POLG2: variants seen among roughly 807,000 people sequenced by gnomAD.
POLG2 encodes DNA polymerase subunit gamma-2.
A neutral mutation model predicts 56.5 loss-of-function variants in POLG2; 50 were observed. The observed-to-expected ratio is 0.88, with a 90% confidence interval of 0.71 to 1.12. The LOEUF (loss-of-function observed/expected upper bound fraction) is 1.12, where lower values mean the gene tolerates loss of function less well. Ranked by LOEUF, POLG2 falls within the 50% of genes most tolerant of loss-of-function variation. The pLI, the probability that POLG2 is intolerant of heterozygous loss-of-function variation, is 0.00. For missense variants in POLG2, 584 were observed against 583.3 expected (o/e 1.00, Z -0.01); for synonymous variants, 226 against 222.6 (o/e 1.02, Z -0.14).
At chr17:64,492,798 G>A in intron 2 of POLG2, 26 bp from the exon 3 acceptor site, 1 of 1,596,842 alleles carries the variant, frequency 6.3e-7, no homozygotes, top group Non-Finnish European at 8.6e-7. Flanking sequence ...GTATCAGGAA[G>A]TTAGCTTATC....
Position 64,496,636 on chromosome 17 carries a change from G to A in POLG2, c.333C>T (p.Ala111=), listed in dbSNP as rs1315105944. ...CCACCACCGAGGTCCACCATTCTGC[G>A]GCCAGGTTCTTCCGCAACTCTACGC... ...PLGVELRKNL[A]AEWWTSVVVF... is the part of the protein sequence containing the mutation. Residue 111 remains alanine (A), a synonymous_variant, in exon 1 of 8, where the codon GCC becomes GCT. Coordinates refer to ENST00000539111, the MANE Select transcript of POLG2 (RefSeq NM_007215.4). 1.2e-6 allele frequency: 2 copies of A among 1,613,758 alleles called. No individual in the cohort carries two copies. Among genetic ancestry groups the A allele is most frequent in the Non-Finnish European group, 1.7e-6 (2 of 1,179,986 alleles).
chr17:64,485,962 G>A (rs1555667396), intron 4 of POLG2, 94 bp from the exon 5 acceptor site: 1 of 1,254,728 alleles, frequency 8.0e-7, no homozygotes, highest in African/African-American at 1.5e-5. Flanking sequence ...ACCTGGCCAG[G>A]CTGGAGTGCA....
chr17:64,493,641 C>T (rs556197125), intron 1 of POLG2, among the ~76,000 whole-genome samples: 108 of 151,992 alleles, frequency 7.1e-4, no homozygotes, highest in Non-Finnish European at 9.6e-4. Flanking sequence ...CCCGCCACCA[C>T]GCCCGGCTAA....
chr17:64,484,528 C>T (rs1296152407), intron 5 of POLG2, among the ~76,000 whole-genome samples: 1 of 152,130 alleles, frequency 6.6e-6, no homozygotes, highest in African/African-American at 2.4e-5. Flanking sequence ...ACACAACATG[C>T]ACCTTTTAAC....
At chr17:64,489,088 C>T (rs2038010962) in intron 4 of POLG2, among the ~76,000 whole-genome samples, 1 of 147,576 alleles carries the variant, frequency 6.8e-6, no homozygotes, top group Admixed American at 6.8e-5. Flanking sequence ...TGCAGCAGCA[C>T]AGTCTTGGCT....
At chr17:64,490,639 A>G in intron 4 of POLG2, 157 bp downstream of exon 4, 1 of 651,874 alleles carries the variant, frequency 1.5e-6, no homozygotes, top group Non-Finnish European at 2.8e-6. Flanking sequence ...CCTGATTTTG[A>G]TGACTGGATT....
At chr17:64,486,675 C>T (rs1363345912) in intron 4 of POLG2, among the ~76,000 whole-genome samples, 2 of 152,028 alleles carry the variant, frequency 1.3e-5, no homozygotes, top group Non-Finnish European at 2.9e-5. Context: ...CGAAAGGTAA[C>T]ACTTTTAAGT....
Position 64,496,778 on chromosome 17 carries a change from T to C in POLG2, c.191A>G (p.Glu64Gly), listed in dbSNP as rs1425710899. The C allele has an allele frequency of 3.1e-6, 5 of 1,613,546 alleles. No individual in the cohort carries two copies. The East Asian group carries it at 1.1e-4, about 36-fold the overall frequency. ...GATCTCTAACAGCGCCTCGCTTCCC[T>C]CTCCAGACCCGGGGGCTTCTGGGTG... Reference protein sequence around the residue: ...GEHPEAPGSGEGSEALLEICQ... With the variant: ...GEHPEAPGSGGGSEALLEICQ... Residue 64 changes from glutamate (E) to glycine (G), a missense_variant, in exon 1 of 8, where the codon GAG (glutamate) becomes GGG (glycine). Transcript: ENST00000539111.
chr17:64,488,856 T>C (rs2144174376), intron 4 of POLG2, among the ~76,000 whole-genome samples: 1 of 152,152 alleles, frequency 6.6e-6, no homozygotes, highest in South Asian at 2.1e-4. Flanking sequence ...TAGTCCTAGC[T>C]ACTCAGGAGG....
chr17:64,491,615 T>C lies in POLG2; in HGVS notation c.796-646A>G, dbSNP rs535296063. ...GGATCTTGATGTGGGACTTCAGCCC[T>C]AGTGGCCTTGATGGAGCGTTTCAAA... is the stretch of plus-strand genomic sequence containing the variant. On this transcript the variant is annotated intron_variant, in intron 3 of 7. Coordinates refer to ENST00000539111, the MANE Select transcript of POLG2 (RefSeq NM_007215.4). The C allele has an allele frequency of 5.4e-5, 83 of 1,530,666 alleles. 1 individual carries two copies. Among genetic ancestry groups the C allele is most frequent in the African/African-American group, 4.1e-4 (30 of 73,166 alleles). The allele number at this position is 1,530,666 out of a possible 1,614,324, so 94.8% of individuals were successfully genotyped here. A position where few individuals can be genotyped will look rare whatever the true frequency, so the allele number is the denominator to read the frequency against.
Position 64,490,860 on chromosome 17 carries a change from G to A in POLG2, c.905C>T (p.Thr302Ile). Residue 302 changes from threonine to isoleucine, a missense_variant, in exon 4 of 8, where the codon ACC becomes ATC. Physicochemically the swap from Thr to Ile is moderately conservative, Grantham distance 89 (BLOSUM62 -1). Transcript: ENST00000539111. ...TTCGTGATCTCCTAGGTTCCACAGG[G>A]TTTCTATTAACTCCTTTCCCCAGGG... ...NFPWGKELIETLWNLGDHELL... is the reference protein window; with the variant it reads ...NFPWGKELIEILWNLGDHELL... The A allele has an allele frequency of 6.2e-7, 1 of 1,613,482 alleles. No homozygotes were observed. The highest frequency in any genetic ancestry group is 8.5e-7 in the Non-Finnish European group (1 of 1,179,440).
chr17:64,493,989 A>T (rs1214138773), intron 1 of POLG2, among the ~76,000 whole-genome samples: 2 of 152,190 alleles, frequency 1.3e-5, no homozygotes, highest in African/African-American at 4.8e-5. Context: ...AGTTAACCAT[A>T]ATACCACAAT....
chr17:64,495,861 G>A lies in POLG2; in HGVS notation c.562+546C>T, dbSNP rs578243812. Among the ~76,000 whole-genome samples, 31 of 151,984 alleles carry A rather than the reference G, an allele frequency of 2.0e-4. No homozygotes were observed. In the South Asian group the frequency reaches 6.0e-3, roughly 30 times the overall value. On this transcript the variant is annotated intron_variant, in intron 1 of 7. Coordinates refer to ENST00000539111, the MANE Select transcript of POLG2 (RefSeq NM_007215.4). ...GTAGCTGGGATTACAGGCGCTCGCC[G>A]TCACGGCCGGCTAATTTTTGTCTTT... is the stretch of plus-strand genomic sequence containing the variant.
At chr17:64,493,490 T>G (rs1397220359) in intron 1 of POLG2, among the ~76,000 whole-genome samples, 5 of 152,060 alleles carry the variant, frequency 3.3e-5, no homozygotes, top group African/African-American at 1.2e-4. Flanking sequence ...TTTGAAGATT[T>G]TCTTTTTTTT....
At position 64,483,054 on chromosome 17, in the gene POLG2, T is replaced by C. The variant is rs1358537422; in HGVS notation, c.1111-55A>G. ...ACAGGAAAGGGGAAAAAGCATAGTT[T>C]GTTTAAATATAACACAAGTTTAAAT... On this transcript the variant is annotated intron_variant, in intron 5 of 7. Coordinates refer to ENST00000539111, the MANE Select transcript of POLG2 (RefSeq NM_007215.4). The C allele has an allele frequency of 7.0e-6, 6 of 860,550 alleles. No individual in the cohort carries two copies. In the East Asian group the frequency reaches 1.5e-4, roughly 21 times the overall value. 53.3% of individuals were successfully genotyped at this position (860,550 alleles called of 1,614,324 possible). A position where few individuals can be genotyped will look rare whatever the true frequency, so the allele number is the denominator to read the frequency against.
intron 5 of POLG2, among the ~76,000 whole-genome samples, chr17:64,484,670 GAAGTGGAGTGT>G (rs1326805961): frequency 1.3e-5 from 2 of 152,180 alleles, no homozygotes; most frequent in Non-Finnish European, 1.5e-5. Flanking sequence ...TGATGGTTTG[GAAGTGGAGTGT>G]AAGAAAAAGA....
intron 5 of POLG2, among the ~76,000 whole-genome samples, chr17:64,483,746 G>A (rs1479208216): frequency 4.7e-5 from 7 of 148,404 alleles, no homozygotes; most frequent in African/African-American, 1.7e-4. Context: ...TAAAGGGTCT[G>A]GCTCTGTTGC....
intron 7 of POLG2, 46 bp downstream of exon 7, chr17:64,480,243 A>G: frequency 1.3e-6 from 1 of 770,916 alleles, no homozygotes; most frequent in South Asian, 2.0e-5. Flanking sequence ...AACATAATCA[A>G]AAACTCTTGA....
At chr17:64,478,463 T>C (rs910438474) in intron 7 of POLG2, among the ~76,000 whole-genome samples, 2 of 152,338 alleles carry the variant, frequency 1.3e-5, no homozygotes, top group African/African-American at 4.8e-5. Flanking sequence ...ACCAAACAGA[T>C]AGATGCACGG....
Sources: allele counts gnomAD v4.1 joint callset (sites outside exome capture counted in the v4.1 genomes callset), GRCh38; gene constraint gnomAD v4.1.1; transcripts MANE v1.5; gene names NCBI Gene and HGNC (gene_info 2026-07-23, HGNC 2026-07-21).